The following STAP2 variants were observed in gnomAD, a reference collection of about 807,000 sequenced individuals.
STAP2 encodes the protein signal transducing adaptor family member 2.
STAP2 carries 58 observed loss-of-function variants against 52.7 expected under a neutral mutation model. That is an observed-to-expected ratio of 1.10 (90% CI 0.89 to 1.37). STAP2 has a LOEUF of 1.37. STAP2 is among the 40% of genes most tolerant of loss of function. The pLI is 0.00. For missense variants in STAP2, 522 were observed against 519.4 expected (o/e 1.00, Z -0.05); for synonymous variants, 231 against 210.5 (o/e 1.10, Z -0.84).
chr19:4,333,750 G>A lies in STAP2; in HGVS notation c.241C>T (p.Arg81Cys), dbSNP rs780561497. The A allele has an allele frequency of 5.6e-6, 9 of 1,613,296 alleles. No homozygotes were observed. Among genetic ancestry groups the A allele is most frequent in the East Asian group, 2.2e-5 (1 of 44,868 alleles). The change falls in exon 3 of 13, where the codon CGT becomes TGT. Residue 81 changes from arginine to cysteine, a missense_variant. Arg to Cys is a radical substitution (Grantham distance 180, BLOSUM62 -3). Transcript: ENST00000594605. ...AGGCTGAAGTGGGTGCCAGGGTCACGTGAGCTTCCCCAGGGAATCTCATCT... is the reference window on the plus strand; with the variant it reads ...AGGCTGAAGTGGGTGCCAGGGTCACATGAGCTTCCCCAGGGAATCTCATCT... ...LTDEIPWGSS[R>C]DPGTHFSLIL...
At chr19:4,329,817 C>G in intron 5 of STAP2, 144 bp downstream of exon 5, 1 of 205,976 alleles carries the variant, frequency 4.9e-6, no homozygotes, top group Non-Finnish European at 9.9e-6. Context: ...CTCCCCCTCC[C>G]CCTCCCCCAC....
chr19:4,337,738 G>A (rs145486998), intron 1 of STAP2, among the ~76,000 whole-genome samples: 11,848 of 152,084 alleles, frequency 0.078, 662 homozygotes, highest in Non-Finnish European at 0.11. Flanking sequence ...AGCTACTCGG[G>A]AGGCTGAGGC....
rs1464968283 is a variant in STAP2 at position 4,327,380 on chromosome 19, T to C, written c.596A>G (p.His199Arg). Residue 199 changes from histidine to arginine, a missense_variant, in exon 7 of 13, where the codon CAC (histidine) becomes CGC (arginine). By Grantham distance (29) the His-to-Arg change is conservative. Transcript: ENST00000594605. ...CTTCACCTTGTAATGCCGGACCACG[T>C]GCGTCCTGCACCAGGAGAAAGCGAG... ...VTTRQMHNGT[H>R]VVRHYKVKRE... 6 of 1,613,996 alleles carry C rather than the reference T, an allele frequency of 3.7e-6. No individual in the cohort carries two copies. In the Admixed American group the frequency reaches 1.0e-4, roughly 27 times the overall value.
chr19:4,333,260 C>T (rs1428379173), intron 3 of STAP2, among the ~76,000 whole-genome samples: 2 of 151,984 alleles, frequency 1.3e-5, no homozygotes, highest in Non-Finnish European at 1.5e-5. Flanking sequence ...TTTGGGAAGC[C>T]GAGGTGGGTG....
intron 5 of STAP2, chr19:4,329,065 A>C: frequency 2.2e-6 from 1 of 456,942 alleles, no homozygotes; most frequent in South Asian, 3.1e-5. Flanking sequence ...CAATGGCGCT[A>C]TCTCGGCTCA....
At chr19:4,327,283 A>C (rs746877530) in intron 7 of STAP2, 33 bp downstream of exon 7, 3 of 1,613,982 alleles carry the variant, frequency 1.9e-6, no homozygotes, top group Admixed American at 1.7e-5. Flanking sequence ...GACCCCACAA[A>C]GTCACTTCTA....
At chr19:4,328,835 G>A in intron 5 of STAP2, 26 bp from the exon 6 acceptor site, 3 of 1,602,200 alleles carry the variant, frequency 1.9e-6, no homozygotes, top group Non-Finnish European at 2.6e-6. Context: ...TCACCCACTC[G>A]GGACCCCGGA....
intron 6 of STAP2, among the ~76,000 whole-genome samples, chr19:4,327,900 C>T (rs1198563558): frequency 3.3e-5 from 5 of 151,554 alleles, no homozygotes; most frequent in Non-Finnish European, 7.4e-5. Context: ...GGGCTGGCTC[C>T]GCCTCCATAG....
rs534151015 is a variant in STAP2, at chr19:4,324,314, T to G, written c.1148-117A>C. 3 of 1,314,690 alleles carry G rather than the reference T, an allele frequency of 2.3e-6. No homozygotes were observed. In the East Asian group the frequency reaches 7.6e-5, roughly 33 times the overall value. The allele number at this position is 1,314,690 out of a possible 1,614,324, so 81.4% of individuals were successfully genotyped here. On this transcript the variant is annotated intron_variant, in intron 12 of 12. Transcript: ENST00000594605. ...TGCAGGGCCCCGTGCAACAGGACAG[T>G]GTGCTCGAAGGCATTAAGAATTTCA... is the stretch of plus-strand genomic sequence containing the variant.
chr19:4,336,910 C>T (rs1434859798), intron 1 of STAP2, among the ~76,000 whole-genome samples: 1 of 152,098 alleles, frequency 6.6e-6, no homozygotes, highest in Non-Finnish European at 1.5e-5. Context: ...GCTGGGATTA[C>T]AGGCGTGAGC....
chr19:4,324,872 C>T (rs1210450953), intron 11 of STAP2: 6 of 415,002 alleles, frequency 1.4e-5, no homozygotes, highest in Non-Finnish European at 2.2e-5. Context: ...CGGTGGCTCA[C>T]GCCTGTAATC....
intron 4 of STAP2, among the ~76,000 whole-genome samples, chr19:4,331,523 G>A (rs1157528419): frequency 6.7e-5 from 10 of 150,108 alleles, no homozygotes; most frequent in Admixed American, 2.0e-4. Flanking sequence ...CCAGCTACTC[G>A]GGAGGCTGAG....
At chr19:4,330,488 A>T (rs1451292699) in intron 4 of STAP2, among the ~76,000 whole-genome samples, 3 of 146,452 alleles carry the variant, frequency 2.0e-5, no homozygotes, top group Non-Finnish European at 4.5e-5. Flanking sequence ...ACGCCATTGC[A>T]CTCCAGCCTG....
chr19:4,326,303 A>G (rs1971791864), intron 9 of STAP2, among the ~76,000 whole-genome samples: 1 of 152,228 alleles, frequency 6.6e-6, no homozygotes, highest in South Asian at 2.1e-4. Context: ...TTGTGCCCGC[A>G]CAAGTGTGTG....
intron 1 of STAP2, among the ~76,000 whole-genome samples, chr19:4,337,439 C>T (rs1014763778): frequency 6.6e-6 from 1 of 150,436 alleles, no homozygotes; most frequent in Non-Finnish European, 1.5e-5. Context: ...ACCATATTGG[C>T]CAGGCTGGTC....
In STAP2 at chr19:4,333,762, A is replaced by G; in HGVS notation, c.229T>C (p.Trp77Arg). Residue 77 changes from tryptophan to arginine, a missense_variant, in exon 3 of 13, where the codon TGG becomes CGG. Physicochemically the swap from Trp to Arg is moderately radical, Grantham distance 101. Transcript: ENST00000594605. ...GTGCCAGGGTCACGTGAGCTTCCCC[A>G]GGGAATCTCATCTGTGAGTTTCTCA... Reference protein sequence around the residue: ...AFEKLTDEIPWGSSRDPGTHF... With the variant: ...AFEKLTDEIPRGSSRDPGTHF... 3 of 1,613,638 alleles carry G rather than the reference A, an allele frequency of 1.9e-6. No homozygotes were observed. Among genetic ancestry groups the G allele is most frequent in the Non-Finnish European group, 2.5e-6 (3 of 1,179,984 alleles).
intron 1 of STAP2, among the ~76,000 whole-genome samples, chr19:4,334,986 T>TCATC (rs1273699563): frequency 1.1e-5 from 1 of 93,362 alleles, no homozygotes; most frequent in Non-Finnish European, 2.2e-5. Flanking sequence ...ATCCACCCAC[T>TCATC]CATCCATCCA....
intron 1 of STAP2, among the ~76,000 whole-genome samples, chr19:4,334,825 C>CTAT (rs1555733865): frequency 6.9e-6 from 1 of 145,946 alleles, no homozygotes; most frequent in Non-Finnish European, 1.5e-5. Flanking sequence ...ATCCACTCAT[C>CTAT]CATCCACCCA....
intron 5 of STAP2, among the ~76,000 whole-genome samples, chr19:4,329,400 C>T (rs979875572): frequency 3.3e-4 from 50 of 152,034 alleles, no homozygotes; most frequent in Non-Finnish European, 2.1e-4. Context: ...CCACCGCGGC[C>T]AGCCAGGCTC....
Sources: gnomAD v4.1 joint callset for allele counts (sites outside exome capture counted in the v4.1 genomes callset) on GRCh38, gnomAD v4.1.1 for gene constraint, MANE v1.5 for transcripts, NCBI Gene and HGNC (gene_info 2026-07-23, HGNC 2026-07-21) for gene names.